Variants in PDXDC1 observed in about 807,000 individuals in gnomAD.
The protein encoded by PDXDC1 is pyridoxal-dependent decarboxylase domain-containing protein 1.
In PDXDC1, 42 loss-of-function variants were observed where a neutral mutation model predicts 100.1. The ratio of observed to expected loss-of-function variants is 0.42; its 90% CI spans 0.33 to 0.54. PDXDC1 has a LOEUF of 0.54. PDXDC1 is among the 20% of genes least tolerant of loss of function. The pLI is 0.10. For synonymous variants in PDXDC1, 260 were observed against 371.7 expected (o/e 0.70, Z 3.46); for missense variants, 636 against 979.2 (o/e 0.65, Z 4.68).
intron 16 of PDXDC1, among the ~76,000 whole-genome samples, chr16:15,087,585 G>A (rs1482402031): frequency 1.3e-5 from 2 of 152,090 alleles, no homozygotes; most frequent in Non-Finnish European, 2.9e-5. Context: ...ACCATTTTCT[G>A]ATGAAATCCC....
intron 16 of PDXDC1, among the ~76,000 whole-genome samples, chr16:15,123,205 C>T (rs1023161250): frequency 6.6e-5 from 10 of 151,244 alleles, no homozygotes; most frequent in East Asian, 3.9e-4. Flanking sequence ...TTCCAAGTAG[C>T]GCCCGCATCA....
intron 16 of PDXDC1, chr16:15,094,434 G>T (rs1015202004): frequency 2.5e-5 from 15 of 608,552 alleles, no homozygotes; most frequent in African/African-American, 2.4e-4. Context: ...GTTCCAGCCA[G>T]CGCTAGTGCG....
At chr16:15,038,377 A>T, downstream of PDXDC1, 1 of 621,558 alleles carries the variant, frequency 1.6e-6, no homozygotes, top group Non-Finnish European at 2.8e-6. Context: ...TTACTGCTTT[A>T]CCCACACACA....
At chr16:15,061,925 C>A (rs746747344) in intron 16 of PDXDC1, 2 of 1,598,220 alleles carry the variant, frequency 1.3e-6, no homozygotes, top group South Asian at 2.2e-5. Flanking sequence ...CATCAGAAAT[C>A]ATCAGTAACA....
downstream of PDXDC1, among the ~76,000 whole-genome samples, chr16:15,142,776 C>T (rs977005593): frequency 4.6e-5 from 7 of 151,842 alleles, no homozygotes; most frequent in African/African-American, 1.7e-4. Context: ...CTGCACCCGC[C>T]AGGTGACATC....
At chr16:15,080,025 A>G (rs778910972) in intron 16 of PDXDC1, 14 of 1,599,048 alleles carry the variant, frequency 8.8e-6, no homozygotes, top group Non-Finnish European at 1.0e-5. Flanking sequence ...TTTCAATAAT[A>G]AGCTCCAGAA....
chr16:15,053,555 C>CT (rs1311202901), intron 16 of PDXDC1, among the ~76,000 whole-genome samples: 3 of 152,052 alleles, frequency 2.0e-5, no homozygotes, highest in South Asian at 2.1e-4. Context: ...TGTAGTCATA[C>CT]TTTTTTTTCT....
intron 1 of PDXDC1, among the ~76,000 whole-genome samples, chr16:14,983,705 CTAT>C (rs1968557537): frequency 6.6e-6 from 1 of 151,656 alleles, no homozygotes; most frequent in African/African-American, 2.4e-5. Flanking sequence ...ACCACCTATA[CTAT>C]TATTTGCTTA....
At chr16:15,039,493 A>AT (rs1271703335), downstream of PDXDC1, among the ~76,000 whole-genome samples, 1 of 152,198 alleles carries the variant, frequency 6.6e-6, no homozygotes, top group African/African-American at 2.4e-5. Flanking sequence ...TTACAGTGTA[A>AT]TTTAATTAAG....
At chr16:14,980,754 C>T (rs575144376) in intron 1 of PDXDC1, among the ~76,000 whole-genome samples, 24 of 152,404 alleles carry the variant, frequency 1.6e-4, no homozygotes, top group Admixed American at 9.1e-4. Flanking sequence ...CATGAGCCAC[C>T]GCGCCTGGCC....
chr16:15,115,255 GTTTGTT>G (rs1475754873), intron 16 of PDXDC1, among the ~76,000 whole-genome samples: 2 of 127,974 alleles, frequency 1.6e-5, no homozygotes, highest in Non-Finnish European at 3.3e-5. Flanking sequence ...TTTGTTTGTT[GTTTGTT>G]TTTGAGATGG....
downstream of PDXDC1, among the ~76,000 whole-genome samples, chr16:15,039,474 CTT>C (rs2043709890): frequency 6.6e-6 from 1 of 152,148 alleles, no homozygotes; most frequent in Non-Finnish European, 1.5e-5. Context: ...AGTTTTCTAA[CTT>C]TTAAAATTAC....
intron 16 of PDXDC1, chr16:15,128,341 C>T: frequency 6.2e-7 from 1 of 1,608,590 alleles, no homozygotes; most frequent in East Asian, 2.2e-5. Flanking sequence ...CCGGTGGCCG[C>T]TCCGGCTGTC....
chr16:15,076,637 C>T (rs369611603), intron 16 of PDXDC1: 41 of 1,608,576 alleles, frequency 2.5e-5, no homozygotes, highest in East Asian at 8.9e-5. Context: ...AATACCCTGC[C>T]GGGATGCATT....
chr16:15,146,037 G>C, the PDXDC1 span, among the ~76,000 whole-genome samples: 1 of 152,184 alleles, frequency 6.6e-6, no homozygotes, highest in East Asian at 1.9e-4. Context: ...GGCAGTGGCA[G>C]AACCACCCCA....
chr16:15,104,597 C>G (rs756628416), intron 16 of PDXDC1: 2 of 1,599,400 alleles, frequency 1.3e-6, no homozygotes, highest in East Asian at 2.2e-5. Context: ...AGAGCAGACA[C>G]TCCGCAGGTG....
chr16:15,131,286 G>A (rs1436265042), intron 16 of PDXDC1: 19 of 1,578,930 alleles, frequency 1.2e-5, no homozygotes, highest in Non-Finnish European at 1.6e-5. Flanking sequence ...GCTCGATGGG[G>A]ATCTGGGCGC....
intron 16 of PDXDC1, chr16:15,125,730 C>T (rs879090884): frequency 2.7e-6 from 4 of 1,473,668 alleles, no homozygotes; most frequent in Middle Eastern, 2.4e-4. Context: ...AGGAGCTGTC[C>T]AGCACGGACG....
Position 15,128,278 on chromosome 16 carries a change from A to G in PDXDC1, c.1400-10601A>G, listed in dbSNP as rs2047861792. The G allele has an allele frequency of 2.5e-6, 4 of 1,610,922 alleles. No homozygotes were observed. The East Asian group carries it at 8.9e-5, about 36-fold the overall frequency. ...GCTACCCAGGCTGTGCGGGGTGGCGATCCGGAAGATGTCCAGGCTGTTGCG... is the reference window on the plus strand; with the variant it reads ...GCTACCCAGGCTGTGCGGGGTGGCGGTCCGGAAGATGTCCAGGCTGTTGCG... On this transcript the variant is annotated intron_variant, in intron 16 of 16. Transcript: ENST00000535621.
Sources: allele counts gnomAD v4.1 joint callset (sites outside exome capture counted in the v4.1 genomes callset), GRCh38; gene constraint gnomAD v4.1.1; transcripts MANE v1.5; gene names NCBI Gene and HGNC (gene_info 2026-07-23, HGNC 2026-07-21).